GRIK2: variants seen among roughly 807,000 people sequenced by gnomAD.
GRIK2 encodes the protein glutamate receptor ionotropic, kainate 2.
In GRIK2, 32 loss-of-function variants were observed where a neutral mutation model predicts 100.3. That is an observed-to-expected ratio of 0.32 (90% CI 0.24 to 0.43). The LOEUF (loss-of-function observed/expected upper bound fraction) is 0.43. Ranked by LOEUF, GRIK2 falls within the 20% of genes least tolerant of loss-of-function variation. The probability of loss-of-function intolerance (pLI) is 1.00; values close to 1 mark genes in which losing one functional copy is unlikely to be tolerated. For synonymous variants in GRIK2, 417 were observed against 389.4 expected (o/e 1.07, Z -0.83); for missense variants, 843 against 1,114.9 (o/e 0.76, Z 3.47).
intron 7 of GRIK2, among the ~76,000 whole-genome samples, chr6:101,730,090 T>C (rs1775153598): frequency 6.6e-6 from 1 of 151,934 alleles, no homozygotes; most frequent in Non-Finnish European, 1.5e-5. Context: ...CAGGCTGTCT[T>C]TTATTAGCTT....
At chr6:101,896,834 A>G (rs1787477002) in intron 12 of GRIK2, among the ~76,000 whole-genome samples, 1 of 151,812 alleles carries the variant, frequency 6.6e-6, no homozygotes, top group African/African-American at 2.4e-5. Flanking sequence ...CTAGCTCAGT[A>G]AATCACAAAA....
chr6:101,977,591 T>C (rs983381364), intron 14 of GRIK2, among the ~76,000 whole-genome samples: 1 of 151,958 alleles, frequency 6.6e-6, no homozygotes, highest in Non-Finnish European at 1.5e-5. Context: ...GACCTCACCA[T>C]ATTTAGTCAT....
At chr6:102,036,245 A>G (rs1770265014) in intron 15 of GRIK2, among the ~76,000 whole-genome samples, 1 of 151,054 alleles carries the variant, frequency 6.6e-6, no homozygotes, top group Non-Finnish European at 1.5e-5. Flanking sequence ...ACACACACAC[A>G]CACACACACA....
chr6:102,003,231 A>G (rs1173253742), intron 14 of GRIK2, among the ~76,000 whole-genome samples: 1 of 151,498 alleles, frequency 6.6e-6, no homozygotes, highest in East Asian at 1.9e-4. Flanking sequence ...TCCTATGTTT[A>G]TTCATATATA....
At chr6:101,523,230 T>A (rs1774969317) in intron 2 of GRIK2, among the ~76,000 whole-genome samples, 1 of 152,124 alleles carries the variant, frequency 6.6e-6, no homozygotes, top group Non-Finnish European at 1.5e-5. Context: ...TTCCATGATA[T>A]TTTTGTCAAC....
At chr6:101,897,623 T>A (rs1317602600) in intron 12 of GRIK2, among the ~76,000 whole-genome samples, 1 of 151,866 alleles carries the variant, frequency 6.6e-6, no homozygotes, top group South Asian at 2.1e-4. Context: ...AATATTTTAA[T>A]CCACAATGTC....
chr6:101,728,913 T>A (rs1189750128), intron 7 of GRIK2, among the ~76,000 whole-genome samples: 1 of 152,058 alleles, frequency 6.6e-6, no homozygotes, highest in Non-Finnish European at 1.5e-5. Context: ...AGGTGTCTTA[T>A]GGCTTTGGTT....
intron 2 of GRIK2, among the ~76,000 whole-genome samples, chr6:101,613,587 C>G (rs74478315): frequency 1.3e-5 from 2 of 151,498 alleles, no homozygotes; most frequent in Middle Eastern, 3.4e-3. Flanking sequence ...CAAACATAAA[C>G]TTTTTAAACA....
At chr6:101,613,557 A>T (rs1442330433) in intron 2 of GRIK2, among the ~76,000 whole-genome samples, 1 of 151,822 alleles carries the variant, frequency 6.6e-6, no homozygotes, top group Non-Finnish European at 1.5e-5. Context: ...CTTGTAAAAA[A>T]ATTTTAAAAA....
At chr6:101,690,200 A>C (rs2065939) in intron 7 of GRIK2, among the ~76,000 whole-genome samples, 96,784 of 151,916 alleles carry the variant, frequency 0.64, 32,804 homozygotes, top group Non-Finnish European at 0.77. Context: ...TAATCCATTC[A>C]GTAGCTTAAT....
chr6:101,713,786 A>G (rs1773877249), intron 7 of GRIK2, among the ~76,000 whole-genome samples: 1 of 151,816 alleles, frequency 6.6e-6, no homozygotes, highest in African/African-American at 2.4e-5. Flanking sequence ...ACCTTCTAAC[A>G]GTAGTATTTT....
At chr6:101,524,078 C>T (rs1395948198) in intron 2 of GRIK2, among the ~76,000 whole-genome samples, 2 of 152,102 alleles carry the variant, frequency 1.3e-5, no homozygotes, top group Non-Finnish European at 2.9e-5. Context: ...GATCAATGAG[C>T]TCTGTTTGAT....
At chr6:101,634,046 G>A (rs569919223) in intron 4 of GRIK2, among the ~76,000 whole-genome samples, 52 of 152,116 alleles carry the variant, frequency 3.4e-4, no homozygotes, top group Admixed American at 1.4e-3. Context: ...GGCAAGATTA[G>A]AACTATTTTT....
At chr6:101,800,011 T>C (rs555781210) in intron 8 of GRIK2, among the ~76,000 whole-genome samples, 1 of 152,256 alleles carries the variant, frequency 6.6e-6, no homozygotes, top group Admixed American at 6.5e-5. Context: ...GGTTAGCATT[T>C]ACCTTTCTGA....
At chr6:101,525,872 G>C (rs1303736500) in intron 2 of GRIK2, among the ~76,000 whole-genome samples, 1 of 152,150 alleles carries the variant, frequency 6.6e-6, no homozygotes, top group East Asian at 1.9e-4. Flanking sequence ...TTTCTCTTCT[G>C]AGTACAATGC....
At chr6:101,476,908 A>G (rs1772263124) in intron 2 of GRIK2, among the ~76,000 whole-genome samples, 2 of 152,204 alleles carry the variant, frequency 1.3e-5, no homozygotes, top group Non-Finnish European at 2.9e-5. Context: ...GCGCAGTAGC[A>G]TGGCCAACCT....
At chr6:101,979,723 G>A (rs1371474646) in intron 14 of GRIK2, among the ~76,000 whole-genome samples, 1 of 151,904 alleles carries the variant, frequency 6.6e-6, no homozygotes, top group Non-Finnish European at 1.5e-5. Context: ...TGGTGATAGA[G>A]GGACACGAAA....
chr6:102,012,235 T>C (rs1226331916), intron 14 of GRIK2, among the ~76,000 whole-genome samples: 1 of 152,190 alleles, frequency 6.6e-6, no homozygotes, highest in African/African-American at 2.4e-5. Flanking sequence ...CCACACTATG[T>C]TGATCACTGT....
intron 2 of GRIK2, among the ~76,000 whole-genome samples, chr6:101,438,996 C>T (rs1164250015): frequency 2.6e-5 from 4 of 152,002 alleles, no homozygotes; most frequent in East Asian, 1.9e-4. Flanking sequence ...ACTTGGTGTC[C>T]GTTACTTTCA....
Sources: gnomAD v4.1 joint callset for allele counts (sites outside exome capture counted in the v4.1 genomes callset) on GRCh38, gnomAD v4.1.1 for gene constraint, MANE v1.5 for transcripts, NCBI Gene and HGNC (gene_info 2026-07-23, HGNC 2026-07-21) for gene names.